Variants in PSMD1 observed in about 807,000 individuals in gnomAD.
The protein encoded by PSMD1 is 26S proteasome non-ATPase regulatory subunit 1.
A neutral mutation model predicts 119.0 loss-of-function variants in PSMD1; 18 were observed. That is an observed-to-expected ratio of 0.15 (90% CI 0.10 to 0.22). The LOEUF (loss-of-function observed/expected upper bound fraction) is 0.22, where lower values mean the gene tolerates loss of function less well. Ranked by LOEUF, PSMD1 falls within the 10% of genes least tolerant of loss-of-function variation. The probability of loss-of-function intolerance (pLI) is 1.00; values close to 1 mark genes in which losing one functional copy is unlikely to be tolerated. For missense variants in PSMD1, 702 were observed against 1,158.5 expected (o/e 0.61, Z 5.72); for synonymous variants, 374 against 396.6 (o/e 0.94, Z 0.68).
chr2:231,082,108 G>A (rs1305999046), intron 12 of PSMD1, among the ~76,000 whole-genome samples: 1 of 152,130 alleles, frequency 6.6e-6, no homozygotes, highest in African/African-American at 2.4e-5. Flanking sequence ...TGCTACCCAG[G>A]CTGGAGTGCA....
In PSMD1 at chr2:231,114,027, C is replaced by T. The variant is rs992771113; in HGVS notation, c.1884-24709C>T. On this transcript the variant is annotated intron_variant, in intron 16 of 24. Transcript: ENST00000308696. Reference sequence around the variant, plus strand: ...GATACATCTTTTGTCTTTTTTGTTACTCATCTGAAATTTTATAACTTTAAC... The same window carrying T: ...GATACATCTTTTGTCTTTTTTGTTATTCATCTGAAATTTTATAACTTTAAC... The T allele has an allele frequency of 9.8e-6, 9 of 920,110 alleles. No individual in the cohort carries two copies. In the Middle Eastern group the frequency reaches 6.7e-4, roughly 68 times the overall value. 57.0% of individuals were successfully genotyped at this position (920,110 alleles called of 1,614,324 possible). A position where few individuals can be genotyped will look rare whatever the true frequency, so the allele number is the denominator to read the frequency against.
At chr2:231,161,183 G>C (rs993847413) in intron 19 of PSMD1, among the ~76,000 whole-genome samples, 157 bp from the exon 20 acceptor site, 3 of 151,622 alleles carry the variant, frequency 2.0e-5, no homozygotes, top group Non-Finnish European at 4.4e-5. Flanking sequence ...CTGCACTTGG[G>C]TGCAGTGTTT....
chr2:231,142,102 C>T (rs886688169), intron 17 of PSMD1, among the ~76,000 whole-genome samples: 3 of 151,960 alleles, frequency 2.0e-5, no homozygotes, highest in African/African-American at 7.2e-5. Context: ...AGGCTGGTCT[C>T]GAACTCCTGA....
intron 8 of PSMD1, among the ~76,000 whole-genome samples, chr2:231,076,810 A>C (rs1434390230): frequency 6.6e-6 from 1 of 152,206 alleles, no homozygotes; most frequent in Non-Finnish European, 1.5e-5. Context: ...GTTTTTAAAA[A>C]ATATTTAAAT....
At chr2:231,096,561 T>G (rs1002402531) in intron 16 of PSMD1, among the ~76,000 whole-genome samples, 2 of 152,236 alleles carry the variant, frequency 1.3e-5, no homozygotes, top group African/African-American at 4.8e-5. Flanking sequence ...AACCACGGGT[T>G]ATGGGAAACA....
rs1294627879 is a variant in PSMD1 at position 231,129,168 on chromosome 2, TC to T, written c.1884-9567del. Among the ~76,000 whole-genome samples the T allele has an allele frequency of 2.0e-5, 3 of 152,262 alleles. No individual in the cohort carries two copies. The East Asian group carries it at 5.8e-4, about 29-fold the overall frequency. ...AGAAGTGATTAAAACTTTTTGAGAA[TC>T]AAAGTACATTTATGTTGATTACTAT... On this transcript the variant is annotated intron_variant, in intron 16 of 24. Coordinates refer to ENST00000308696, the MANE Select transcript of PSMD1 (RefSeq NM_002807.4).
intron 17 of PSMD1, among the ~76,000 whole-genome samples, chr2:231,143,344 C>T (rs1404132921): frequency 6.6e-6 from 1 of 152,160 alleles, no homozygotes; most frequent in Non-Finnish European, 1.5e-5. Context: ...ATTCTCCTGC[C>T]TCAGCCTCCC....
chr2:231,109,535 A>AT (rs1271675296), intron 16 of PSMD1: 5 of 800,032 alleles, frequency 6.2e-6, no homozygotes, highest in Middle Eastern at 5.8e-4. Flanking sequence ...GGGACCCACA[A>AT]TGCAGGATTT....
At chr2:231,118,269 C>T (rs1303596946) in intron 16 of PSMD1, among the ~76,000 whole-genome samples, 1 of 152,072 alleles carries the variant, frequency 6.6e-6, no homozygotes, top group Non-Finnish European at 1.5e-5. Flanking sequence ...CAGAAACTAG[C>T]CAACTAACTC....
chr2:231,169,314 G>A (rs921800321), intron 23 of PSMD1, among the ~76,000 whole-genome samples: 3 of 152,116 alleles, frequency 2.0e-5, no homozygotes, highest in Non-Finnish European at 4.4e-5. Context: ...TCTTCTGTTT[G>A]GTAGGAGATT....
chr2:231,160,685 T>A (rs1696616282), intron 19 of PSMD1, among the ~76,000 whole-genome samples: 1 of 152,218 alleles, frequency 6.6e-6, no homozygotes. Flanking sequence ...TAATGCAGAT[T>A]AATACTTAAT....
intron 12 of PSMD1, 107 bp downstream of exon 12, chr2:231,080,421 C>A: frequency 2.2e-6 from 2 of 926,540 alleles, no homozygotes; most frequent in Non-Finnish European, 3.0e-6. Context: ...TGCGAATACC[C>A]AAAACAACTG....
chr2:231,100,544 A>G (rs1353586603), intron 16 of PSMD1, among the ~76,000 whole-genome samples: 1 of 152,172 alleles, frequency 6.6e-6, no homozygotes, highest in African/African-American at 2.4e-5. Flanking sequence ...ATGAGTCAGC[A>G]TGGAGCAGGT....
At chr2:231,157,099 C>T (rs1156454972) in intron 19 of PSMD1, among the ~76,000 whole-genome samples, 1 of 151,748 alleles carries the variant, frequency 6.6e-6, no homozygotes, top group African/African-American at 2.4e-5. Flanking sequence ...TTTTAGCTGC[C>T]ACTTTTTAAA....
chr2:231,171,057 T>G (rs1696900331), intron 24 of PSMD1, among the ~76,000 whole-genome samples: 1 of 152,242 alleles, frequency 6.6e-6, no homozygotes, highest in Admixed American at 6.5e-5. Context: ...TCAGCTGAAC[T>G]GCAGTTTGCT....
At chr2:231,101,488 A>G (rs1168896606) in intron 16 of PSMD1, among the ~76,000 whole-genome samples, 1 of 152,254 alleles carries the variant, frequency 6.6e-6, no homozygotes, top group Non-Finnish European at 1.5e-5. Flanking sequence ...ATTACAACAA[A>G]GAATTGGGAA....
intron 16 of PSMD1, among the ~76,000 whole-genome samples, chr2:231,136,969 AT>A (rs1695981627): frequency 7.0e-6 from 1 of 142,704 alleles, no homozygotes; most frequent in Non-Finnish European, 1.5e-5. Context: ...GTATATATAT[AT>A]TATATATATT....
intron 4 of PSMD1, among the ~76,000 whole-genome samples, chr2:231,064,784 G>A (rs1331152648): frequency 6.6e-6 from 1 of 152,112 alleles, no homozygotes; most frequent in Admixed American, 6.5e-5. Flanking sequence ...TCGTGCCTCA[G>A]CCTCCCAAGT....
chr2:231,108,317 T>A, intron 16 of PSMD1: 1 of 537,220 alleles, frequency 1.9e-6, no homozygotes, highest in Non-Finnish European at 3.3e-6. Context: ...TGTTTTCATT[T>A]GTAGCTATAT....
Sources: allele counts gnomAD v4.1 joint callset (sites outside exome capture counted in the v4.1 genomes callset), GRCh38; gene constraint gnomAD v4.1.1; transcripts MANE v1.5; gene names NCBI Gene and HGNC (gene_info 2026-07-23, HGNC 2026-07-21).